Variants in CXXC4 observed in about 807,000 individuals in gnomAD.
The protein encoded by CXXC4 is CXXC-type zinc finger protein 4.
Under a neutral mutation model 20.5 loss-of-function variants are expected in CXXC4, and 5 were observed. That is an observed-to-expected ratio of 0.24 (90% confidence interval 0.13 to 0.51). The LOEUF (loss-of-function observed/expected upper bound fraction) is 0.51, where lower values mean the gene tolerates loss of function less well. CXXC4 is among the 20% of genes least tolerant of loss of function. The pLI is 0.97. For synonymous variants in CXXC4, 250 were observed against 216.4 expected, an observed-to-expected ratio of 1.16 and a Z score of -1.36; for missense variants, 419 against 496.4, an observed-to-expected ratio of 0.84 and a Z score of 1.48.
intron 2 of CXXC4, among the ~76,000 whole-genome samples, chr4:104,476,671 T>C (rs893740088): frequency 2.0e-5 from 3 of 152,178 alleles, no homozygotes; most frequent in Non-Finnish European, 4.4e-5. Flanking sequence ...GTTAAACCTA[T>C]CTTTCCAATA....
At chr4:104,475,797 T>C (rs1343069769) in intron 2 of CXXC4, among the ~76,000 whole-genome samples, 1 of 152,102 alleles carries the variant, frequency 6.6e-6, no homozygotes, top group African/African-American at 2.4e-5. Flanking sequence ...CAGGGGATCT[T>C]TATCCTGAGT....
chr4:104,473,552 G>C (rs775029371), intron 2 of CXXC4, among the ~76,000 whole-genome samples: 6 of 151,756 alleles, frequency 4.0e-5, no homozygotes, highest in Non-Finnish European at 8.8e-5. Context: ...ACAATCACAT[G>C]AATATACAGT....
At chr4:104,492,236 C>G (rs1445214548) in intron 1 of CXXC4, among the ~76,000 whole-genome samples, 177 bp from the exon 2 acceptor site, 1 of 138,264 alleles carries the variant, frequency 7.2e-6, no homozygotes, top group Non-Finnish European at 1.6e-5. Context: ...CTCTCCCAAC[C>G]CCCGCTCCCT....
chr4:104,488,644 G>C (rs1054476869), intron 2 of CXXC4, among the ~76,000 whole-genome samples: 2 of 152,092 alleles, frequency 1.3e-5, no homozygotes, highest in African/African-American at 4.8e-5. Flanking sequence ...CAGAATTTTT[G>C]TGCATGAGAA....
intron 2 of CXXC4, among the ~76,000 whole-genome samples, chr4:104,478,565 T>A (rs1287326008): frequency 2.0e-5 from 3 of 152,156 alleles, no homozygotes; most frequent in African/African-American, 7.2e-5. Flanking sequence ...CGTATATAAT[T>A]ATATTTCAGT....
At chr4:104,484,969 T>C (rs561548314) in intron 2 of CXXC4, among the ~76,000 whole-genome samples, 2 of 152,048 alleles carry the variant, frequency 1.3e-5, no homozygotes, top group East Asian at 1.9e-4. Flanking sequence ...ATCCTAATAA[T>C]AGCAGCAAAA....
chr4:104,487,896 G>C (rs1244982345), intron 2 of CXXC4, among the ~76,000 whole-genome samples: 1 of 151,996 alleles, frequency 6.6e-6, no homozygotes, highest in African/African-American at 2.4e-5. Flanking sequence ...GTTTTAAAAG[G>C]AACACTAGGG....
Position 104,469,291 on chromosome 4 carries a change from T to C in CXXC4, c.*3031A>G, listed in dbSNP as rs1436509181. 6.6e-6 allele frequency: 1 copy of C among 152,078 alleles called. No individual in the cohort carries two copies. Among genetic ancestry groups the C allele is most frequent in the Admixed American group, 6.6e-5 (1 of 15,212 alleles). The allele number at this position is 152,078 out of a possible 1,614,324, so 9.4% of individuals were successfully genotyped here. A position where few individuals can be genotyped will look rare whatever the true frequency, so the allele number is the denominator to read the frequency against. On this transcript the variant is annotated 3_prime_UTR_variant, in exon 3 of 3. Transcript: ENST00000394767. ...AAAAGGAAATTGGCTCACTGCACTATGTATCAACGCCTCAAGTATTTACCA... is the reference window on the plus strand; with the variant it reads ...AAAAGGAAATTGGCTCACTGCACTACGTATCAACGCCTCAAGTATTTACCA...
chr4:104,476,537 TTAA>T lies in CXXC4; in HGVS notation c.1060-4174_1060-4172del, dbSNP rs201566839. Among the ~76,000 whole-genome samples the T allele has an allele frequency of 2.5e-3, 377 of 152,298 alleles. 2 individuals carry two copies. Among genetic ancestry groups the T allele is most frequent in the African/African-American group, 8.7e-3 (362 of 41,578 alleles). Reference sequence around the variant, plus strand: ...ATTTACAAAACTGCACTTAAAACTTTTAATAATATTAGACCTGAGGTTTCAAAG... The same window carrying T: ...ATTTACAAAACTGCACTTAAAACTTTTAATATTAGACCTGAGGTTTCAAAG... On this transcript the variant is annotated intron_variant, in intron 2 of 2. Transcript: ENST00000394767.
intron 2 of CXXC4, among the ~76,000 whole-genome samples, chr4:104,486,777 T>C (rs1736709599): frequency 6.6e-6 from 1 of 152,192 alleles, no homozygotes; most frequent in African/African-American, 2.4e-5. Flanking sequence ...TTTTATTAAC[T>C]AAAAGCTCTT....
At chr4:104,473,231 A>G (rs774608594) in intron 2 of CXXC4, among the ~76,000 whole-genome samples, 9 of 151,724 alleles carry the variant, frequency 5.9e-5, no homozygotes, top group Non-Finnish European at 1.2e-4. Flanking sequence ...CTCATAAAAT[A>G]TATCACTGTT....
In CXXC4 at chr4:104,468,392, AC is replaced by A. The variant is rs1736175742; in HGVS notation, c.*3929del. ...GGGCAAATTGAATGTGATTTTTTTT[AC>A]TTTTTTTTTTTTTTTACAGTTTTGT... On this transcript the variant is annotated 3_prime_UTR_variant, in exon 3 of 3. Transcript: ENST00000394767. 1.1e-5 allele frequency: 1 copy of A among 87,836 alleles called. No homozygotes were observed. The highest frequency in any genetic ancestry group is 2.2e-5 in the Non-Finnish European group (1 of 45,618). 5.4% of individuals were successfully genotyped at this position (87,836 alleles called of 1,614,324 possible). A position where few individuals can be genotyped will look rare whatever the true frequency, so the allele number is the denominator to read the frequency against.
chr4:104,491,798 T>G lies in CXXC4; in HGVS notation c.5A>C (p.Asn2Thr). The G allele has an allele frequency of 6.8e-7, 1 of 1,464,450 alleles. No individual in the cohort carries two copies. Among genetic ancestry groups the G allele is most frequent in the Non-Finnish European group, 9.1e-7 (1 of 1,099,536 alleles). 90.7% of individuals were successfully genotyped at this position (1,464,450 alleles called of 1,614,324 possible). Residue 2 changes from asparagine to threonine, a missense_variant, in exon 2 of 3, where the codon AAC (asparagine) becomes ACC (threonine). This residue lies in a region of CXXC4 where 388 missense variants were observed against 416.0 expected (regional missense o/e 0.93). Transcript: ENST00000394767. Reference sequence around the variant, plus strand: ...CCCGGGCTCCACGCAGACATTGGTGTTCATGGTGCAGGGGGGGAAGAAGGG... The same window carrying G: ...CCCGGGCTCCACGCAGACATTGGTGGTCATGGTGCAGGGGGGGAAGAAGGG... MNTNVCVEPGPS... is the reference protein window; with the variant it reads MTTNVCVEPGPS...
chr4:104,484,813 C>T (rs1043795517), intron 2 of CXXC4, among the ~76,000 whole-genome samples: 4 of 151,938 alleles, frequency 2.6e-5, no homozygotes, highest in Non-Finnish European at 5.9e-5. Context: ...CAATAAACAA[C>T]AGAAAACATA....
intron 2 of CXXC4, among the ~76,000 whole-genome samples, chr4:104,488,684 T>C (rs1045632716): frequency 1.3e-5 from 2 of 152,226 alleles, no homozygotes; most frequent in African/African-American, 2.4e-5. Context: ...TGTAGTTTTA[T>C]GGGATTTTGT....
At chr4:104,475,485 G>T (rs1224403156) in intron 2 of CXXC4, among the ~76,000 whole-genome samples, 1 of 152,112 alleles carries the variant, frequency 6.6e-6, no homozygotes, top group Non-Finnish European at 1.5e-5. Context: ...AGGACTGATT[G>T]AGTTTGTTTC....
chr4:104,473,497 C>T (rs1736328095), intron 2 of CXXC4, among the ~76,000 whole-genome samples: 1 of 151,836 alleles, frequency 6.6e-6, no homozygotes. Context: ...AATAATTCCT[C>T]ATGCCATATC....
chr4:104,482,714 T>G (rs1736587418), intron 2 of CXXC4, among the ~76,000 whole-genome samples: 1 of 152,170 alleles, frequency 6.6e-6, no homozygotes, highest in African/African-American at 2.4e-5. Context: ...CTTGTTTCAT[T>G]CTCTAAATTT....
intron 2 of CXXC4, among the ~76,000 whole-genome samples, chr4:104,478,116 C>T (rs753630581): frequency 6.6e-6 from 1 of 152,050 alleles, no homozygotes; most frequent in Non-Finnish European, 1.5e-5. Flanking sequence ...AAGATTTCTC[C>T]GATTAATGAT....
Sources: allele counts gnomAD v4.1 joint callset (sites outside exome capture counted in the v4.1 genomes callset), GRCh38; gene constraint gnomAD v4.1.1; regional missense constraint gnomAD v4.1.1; transcripts MANE v1.5; gene names NCBI Gene and HGNC (gene_info 2026-07-23, HGNC 2026-07-21).